The following VEPH1 variants were observed in gnomAD, a reference collection of about 807,000 sequenced individuals.
The protein encoded by VEPH1 is ventricular zone expressed PH domain containing 1.
A neutral mutation model predicts 85.2 loss-of-function variants in VEPH1; 80 were observed. That is an observed-to-expected ratio of 0.94 (90% CI 0.78 to 1.13). The LOEUF (loss-of-function observed/expected upper bound fraction) is 1.13, where lower values mean the gene tolerates loss of function less well. Ranked by LOEUF, VEPH1 falls within the 50% of genes most tolerant of loss-of-function variation. The pLI is 0.00. For missense variants in VEPH1, 955 were observed against 980.5 expected, an observed-to-expected ratio of 0.97 and a Z score of 0.35; for synonymous variants, 297 against 348.0, an observed-to-expected ratio of 0.85 and a Z score of 1.63.
At chr3:157,473,480 C>G (rs182291855) in intron 2 of VEPH1, among the ~76,000 whole-genome samples, 1 of 151,990 alleles carries the variant, frequency 6.6e-6, no homozygotes, top group Admixed American at 6.5e-5. Context: ...TTTCATGCAG[C>G]CTTTCTGAGA....
At chr3:157,332,379 TAAG>T (rs1722590103) in intron 9 of VEPH1, among the ~76,000 whole-genome samples, 1 of 152,170 alleles carries the variant, frequency 6.6e-6, no homozygotes, top group Non-Finnish European at 1.5e-5. Context: ...CCACATCTGT[TAAG>T]CAATTATTCT....
intron 4 of VEPH1, among the ~76,000 whole-genome samples, chr3:157,432,014 A>T (rs1733201127): frequency 6.6e-6 from 1 of 151,298 alleles, no homozygotes; most frequent in Non-Finnish European, 1.5e-5. Flanking sequence ...CACCCAGCTA[A>T]TTTTTTTGTA....
chr3:157,280,109 T>A (rs1559920051), intron 12 of VEPH1, among the ~76,000 whole-genome samples: 1 of 152,070 alleles, frequency 6.6e-6, no homozygotes, highest in Non-Finnish European at 1.5e-5. Context: ...CTTAGTGTAC[T>A]TACATAGGTC....
chr3:157,352,610 G>A (rs73156757), intron 9 of VEPH1, among the ~76,000 whole-genome samples: 33,488 of 152,148 alleles, frequency 0.22, 4,536 homozygotes, highest in Admixed American at 0.42. Flanking sequence ...GAAAGGACAG[G>A]AAATTAATAT....
intron 6 of VEPH1, among the ~76,000 whole-genome samples, chr3:157,410,648 G>A (rs1207656137): frequency 6.6e-6 from 1 of 151,964 alleles, no homozygotes; most frequent in Non-Finnish European, 1.5e-5. Flanking sequence ...ATTCTTTATG[G>A]CTAAAATAAC....
Position 157,477,149 on chromosome 3 carries a change from A to G in VEPH1, c.139-6620T>C, listed in dbSNP as rs189528486. Among the ~76,000 whole-genome samples the G allele has an allele frequency of 1.8e-3, 277 of 152,182 alleles. 4 individuals carry two copies. Among genetic ancestry groups the G allele is most frequent in the African/African-American group, 6.4e-3 (264 of 41,528 alleles). On this transcript the variant is annotated intron_variant, in intron 2 of 13. Transcript: ENST00000362010. ...AATCAGTCTCACTGGACTAAAGTCAAGGTGTCAGCAGGGCTGGTGCCCTCT... is the reference window on the plus strand; with the variant it reads ...AATCAGTCTCACTGGACTAAAGTCAGGGTGTCAGCAGGGCTGGTGCCCTCT...
intron 7 of VEPH1, among the ~76,000 whole-genome samples, chr3:157,366,249 G>A (rs1045764340): frequency 6.6e-6 from 1 of 152,040 alleles, no homozygotes; most frequent in African/African-American, 2.4e-5. Context: ...TGATTTTGTT[G>A]GTTTGTCTGT....
At chr3:157,286,231 A>C (rs1716748207) in intron 12 of VEPH1, 1 of 245,556 alleles carries the variant, frequency 4.1e-6, no homozygotes, top group Non-Finnish European at 8.0e-6. Context: ...TCCTTAAAGA[A>C]CACATCTTGA....
intron 7 of VEPH1, among the ~76,000 whole-genome samples, chr3:157,375,283 G>A (rs765785201): frequency 5.9e-5 from 9 of 152,194 alleles, no homozygotes; most frequent in Non-Finnish European, 1.0e-4. Flanking sequence ...GTTCTCTGCA[G>A]TTTGTGTTGT....
At chr3:157,432,667 C>T (rs1733261376) in intron 4 of VEPH1, among the ~76,000 whole-genome samples, 1 of 152,138 alleles carries the variant, frequency 6.6e-6, no homozygotes, top group Admixed American at 6.5e-5. Flanking sequence ...TTCTTAATTA[C>T]AATAATTTTA....
chr3:157,500,326 C>A (rs772477487), intron 1 of VEPH1, among the ~76,000 whole-genome samples: 1 of 152,180 alleles, frequency 6.6e-6, no homozygotes, highest in Non-Finnish European at 1.5e-5. Flanking sequence ...ATAGCTATAT[C>A]AAATCATCTC....
intron 9 of VEPH1, among the ~76,000 whole-genome samples, chr3:157,343,581 C>T (rs1330966464): frequency 6.6e-6 from 1 of 152,236 alleles, no homozygotes; most frequent in Admixed American, 6.5e-5. Flanking sequence ...GATTCACAGC[C>T]GAATTCTACC....
intron 9 of VEPH1, among the ~76,000 whole-genome samples, chr3:157,321,708 T>C (rs187571934): frequency 6.6e-6 from 1 of 152,248 alleles, no homozygotes; most frequent in Admixed American, 6.5e-5. Context: ...GTAGATTGTG[T>C]TTCTTTTCCT....
intron 4 of VEPH1, chr3:157,437,834 C>T (rs1457767936): frequency 4.8e-6 from 7 of 1,470,750 alleles, no homozygotes; most frequent in Non-Finnish European, 1.8e-6. Context: ...GCCCTGGCCG[C>T]GGTGCTAGAG....
chr3:157,329,949 CAGAACCTCT>C, intron 9 of VEPH1, among the ~76,000 whole-genome samples: 1 of 152,288 alleles, frequency 6.6e-6, no homozygotes, highest in South Asian at 2.1e-4. Flanking sequence ...TTATTGTCCC[CAGAACCTCT>C]AGAAGCTCAG....
chr3:157,376,110 A>G (rs949785782), intron 7 of VEPH1, among the ~76,000 whole-genome samples: 2 of 151,678 alleles, frequency 1.3e-5, no homozygotes, highest in African/African-American at 2.4e-5. Context: ...GCTTTTTGCC[A>G]TCATCATCCT....
At chr3:157,382,312 A>G (rs1373123910) in intron 6 of VEPH1, among the ~76,000 whole-genome samples, 1 of 152,222 alleles carries the variant, frequency 6.6e-6, no homozygotes, top group Non-Finnish European at 1.5e-5. Context: ...GGCATGAGCA[A>G]ATAAGAAAAT....
rs202005933 is a variant in VEPH1, at chr3:157,363,485, T to G, written c.1614A>C (p.Ala538=). ...GCTTATCTTGGTATTCTATAGGACTTGCAGTTGTCTCTGGAGTTTCTTCCT... is the reference window on the plus strand; with the variant it reads ...GCTTATCTTGGTATTCTATAGGACTGGCAGTTGTCTCTGGAGTTTCTTCCT... The part of the protein sequence containing the change: ...NSQEETPETT[A]SPIEYQDKLY... Residue 538 remains alanine (A), a synonymous_variant, in exon 9 of 14, where the codon GCA becomes GCC. Coordinates refer to ENST00000362010, the MANE Select transcript of VEPH1 (RefSeq NM_001167912.2). 264 of 1,614,172 alleles carry G rather than the reference T, an allele frequency of 1.6e-4. No individual in the cohort carries two copies. The highest frequency in any genetic ancestry group is 2.1e-4 in the Non-Finnish European group (251 of 1,180,016).
rs1560053426 is a variant in VEPH1 at position 157,428,304 on chromosome 3, A to T, written c.696+18T>A. 6.2e-7 allele frequency: 1 copy of T among 1,613,676 alleles called. No homozygotes were observed. Among genetic ancestry groups the T allele is most frequent in the Admixed American group, 1.7e-5 (1 of 60,022 alleles). On this transcript the variant is annotated intron_variant, in intron 5 of 13. Coordinates refer to ENST00000362010, the MANE Select transcript of VEPH1 (RefSeq NM_001167912.2). ...TGCCTGGTTGTGTGCACCATGACAT[A>T]TACAATGTACTTTTTACCTCGAGTT...
Sources: gnomAD v4.1 joint callset for allele counts (sites outside exome capture counted in the v4.1 genomes callset) on GRCh38, gnomAD v4.1.1 for gene constraint, MANE v1.5 for transcripts, NCBI Gene and HGNC (gene_info 2026-07-23, HGNC 2026-07-21) for gene names.